The following NRIP1 variants were observed in gnomAD, a reference collection of about 807,000 sequenced individuals.
The protein encoded by NRIP1 is nuclear receptor interacting protein 1.
NRIP1 carries 28 observed loss-of-function variants against 75.0 expected under a neutral mutation model. The observed-to-expected ratio is 0.37, with a 90% confidence interval of 0.28 to 0.51. NRIP1 has a LOEUF of 0.51. Among genes scored for constraint, NRIP1 ranks in the 20% least tolerant of loss-of-function variants. The pLI, the probability that NRIP1 is intolerant of heterozygous loss-of-function variation, is 0.92. For missense variants in NRIP1, 1,435 were observed against 1,343.7 expected (o/e 1.07, Z -1.06); for synonymous variants, 526 against 487.6 (o/e 1.08, Z -1.04).
intron 1 of NRIP1, chr21:15,050,049 T>C (rs2089168464): frequency 6.6e-6 from 1 of 152,208 alleles, no homozygotes; most frequent in Admixed American, 6.5e-5. Flanking sequence ...AATAAATGCA[T>C]ACATATACAT....
At chr21:15,018,544 G>C (rs774715397) in intron 2 of NRIP1, among the ~76,000 whole-genome samples, 16 of 152,182 alleles carry the variant, frequency 1.1e-4, no homozygotes, top group South Asian at 2.1e-4. Flanking sequence ...AAAAGAAATA[G>C]TGTATGCAAA....
At chr21:15,050,875 G>A (rs1031419872) in intron 1 of NRIP1, 2 of 455,886 alleles carry the variant, frequency 4.4e-6, no homozygotes, top group Non-Finnish European at 8.8e-6. Flanking sequence ...ATATTCCCCT[G>A]CCTGGTATCT....
intron 3 of NRIP1, among the ~76,000 whole-genome samples, chr21:14,972,582 G>T (rs1005770274): frequency 2.6e-5 from 4 of 152,070 alleles, no homozygotes; most frequent in African/African-American, 9.7e-5. Flanking sequence ...TAAGAATGTT[G>T]CCAGGTGTAT....
In NRIP1 at chr21:14,976,652, T is replaced by C. The variant is rs1193861222; in HGVS notation, c.-334-8126A>G. On this transcript the variant is annotated intron_variant, in intron 3 of 3. Transcript: ENST00000318948. The stretch of plus-strand genomic sequence containing the variant: ...ATGGTTTATTAAACAAAGGGAAACT[T>C]TGTGGAACTTCTACACACTTTAAAA... 3.3e-5 allele frequency among the ~76,000 whole-genome samples: 5 copies of C among 152,176 alleles called. No individual in the cohort carries two copies. In the South Asian group the frequency reaches 8.3e-4, roughly 25 times the overall value.
chr21:15,023,151 T>A (rs1261189097), intron 2 of NRIP1, among the ~76,000 whole-genome samples: 1 of 152,208 alleles, frequency 6.6e-6, no homozygotes, highest in Admixed American at 6.5e-5. Flanking sequence ...GTGGTGTTGG[T>A]TACACACCTA....
In NRIP1 at chr21:14,967,456, A is replaced by G; in HGVS notation, c.737T>C (p.Met246Thr). The G allele has an allele frequency of 6.2e-7, 1 of 1,613,904 alleles. No individual in the cohort carries two copies. Among genetic ancestry groups the G allele is most frequent in the Non-Finnish European group, 8.5e-7 (1 of 1,179,946 alleles). ...GGCAGGACTAGCCCTTTTTTCCACC[A>G]TGCTTGCAACAGCCTGTAATCTTGC... ...CAARLQAVAS[M>T]VEKRASPATS... The change falls in exon 4 of 4, where the codon ATG becomes ACG. Residue 246 changes from methionine to threonine, a missense_variant. Met to Thr is a moderately conservative substitution (Grantham distance 81). Coordinates refer to ENST00000318948, the MANE Select transcript of NRIP1 (RefSeq NM_003489.4).
At chr21:14,980,130 A>G (rs1016616635) in intron 3 of NRIP1, among the ~76,000 whole-genome samples, 6 of 152,222 alleles carry the variant, frequency 3.9e-5, no homozygotes, top group African/African-American at 1.4e-4. Context: ...CACAGGGATC[A>G]AAAGAAACTT....
intron 3 of NRIP1, among the ~76,000 whole-genome samples, chr21:14,976,492 T>A (rs1443588732): frequency 6.6e-6 from 1 of 152,166 alleles, no homozygotes; most frequent in East Asian, 1.9e-4. Context: ...GATAGGTAAT[T>A]TTTTTAGAGC....
At chr21:15,046,363 G>A (rs544125370) in intron 1 of NRIP1, among the ~76,000 whole-genome samples, 92 of 152,280 alleles carry the variant, frequency 6.0e-4, no homozygotes, top group Admixed American at 1.0e-3. Context: ...GACCAGGTGC[G>A]TGGTCAATAA....
chr21:14,967,304 T>C lies in NRIP1; in HGVS notation c.889A>G (p.Arg297Gly). 6.2e-7 allele frequency: 1 copy of C among 1,614,098 alleles called. No individual in the cohort carries two copies. The highest frequency in any genetic ancestry group is 8.5e-7 in the Non-Finnish European group (1 of 1,179,994). ...TQNANQAASE[R>G]LAAMARLQEN... is the part of the protein sequence containing the mutation. ...TGCAATCTGGCCATAGCAGCAAGTC[T>C]TTCACTTGCTGCTTGATTTGCATTT... The change falls in exon 4 of 4, where the codon AGA (arginine) becomes GGA (glycine). Residue 297 changes from arginine to glycine, a missense_variant. Coordinates refer to ENST00000318948, the MANE Select transcript of NRIP1 (RefSeq NM_003489.4).
chr21:14,977,191 A>G (rs149901270), intron 3 of NRIP1, among the ~76,000 whole-genome samples: 1,660 of 152,324 alleles, frequency 0.011, 11 homozygotes, highest in Middle Eastern at 0.017. Flanking sequence ...AAAAACATTA[A>G]TATGTTTCAT....
At chr21:14,985,489 A>G (rs1170159635) in intron 3 of NRIP1, among the ~76,000 whole-genome samples, 1 of 152,130 alleles carries the variant, frequency 6.6e-6, no homozygotes, top group African/African-American at 2.4e-5. Context: ...TCTATCATCT[A>G]TCATCTGGTT....
chr21:15,026,600 C>A (rs1449816942), intron 2 of NRIP1, among the ~76,000 whole-genome samples: 1 of 152,064 alleles, frequency 6.6e-6, no homozygotes, highest in Non-Finnish European at 1.5e-5. Context: ...TTATAATAGT[C>A]ATACATATGT....
chr21:15,028,547 G>C (rs1414401148), intron 2 of NRIP1, among the ~76,000 whole-genome samples: 5 of 151,978 alleles, frequency 3.3e-5, no homozygotes, highest in African/African-American at 1.2e-4. Flanking sequence ...CAAGGTTTGG[G>C]GCTGAAAAAT....
At chr21:15,052,785 T>C (rs553110346) in intron 1 of NRIP1, among the ~76,000 whole-genome samples, 44 of 152,208 alleles carry the variant, frequency 2.9e-4, no homozygotes, top group African/African-American at 9.9e-4. Flanking sequence ...TAGTCCAAAG[T>C]AACATGCTAT....
Position 14,968,100 on chromosome 21 carries a change from C to G in NRIP1, c.93G>C (p.Gly31=). ...TTTTGTCAACGGCAGTACCTGATCC[C>G]CCTGCTGCCTGATGCATTAGTAATC... ...LEGLLMHQAA[G]GSGTAVDKKS... The change falls in exon 4 of 4, where the codon GGG becomes GGC. Residue 31 remains glycine, a synonymous_variant. Transcript: ENST00000318948. The G allele has an allele frequency of 1.2e-6, 2 of 1,614,084 alleles. No individual in the cohort carries two copies. The highest frequency in any genetic ancestry group is 1.7e-6 in the Non-Finnish European group (2 of 1,179,986).
chr21:14,979,631 T>A lies in NRIP1; in HGVS notation c.-334-11105A>T, dbSNP rs909761561. On this transcript the variant is annotated intron_variant, in intron 3 of 3. Coordinates refer to ENST00000318948, the MANE Select transcript of NRIP1 (RefSeq NM_003489.4). The stretch of plus-strand genomic sequence containing the variant: ...TTCATGCACTTCTTATTATAAAGTA[T>A]GTTTTGTTAAATATATTGCATTGGA... Among the ~76,000 whole-genome samples, 9 of 152,330 alleles carry A rather than the reference T, an allele frequency of 5.9e-5. No individual in the cohort carries two copies. The South Asian group carries it at 1.9e-3, about 32-fold the overall frequency.
Position 14,988,317 on chromosome 21 carries a change from CACAG to C in NRIP1, c.-334-19795_-334-19792del, listed in dbSNP as rs1438444121. 14 of 152,194 alleles carry C rather than the reference CACAG, an allele frequency of 9.2e-5. 1 individual carries two copies. The highest frequency in any genetic ancestry group is 2.1e-4 in the Non-Finnish European group (14 of 68,006). The allele number at this position is 152,194 out of a possible 1,614,324, so 9.4% of individuals were successfully genotyped here. A position where few individuals can be genotyped will look rare whatever the true frequency, so the allele number is the denominator to read the frequency against. ...AATGAATGTTAATTGTTTTACTATT[CACAG>C]ACAAAGCTTCAGCCCAGAGAACTTT... is the stretch of plus-strand genomic sequence containing the variant. On this transcript the variant is annotated intron_variant, in intron 3 of 3. Transcript: ENST00000318948.
chr21:15,001,215 T>C (rs540738274), intron 3 of NRIP1, among the ~76,000 whole-genome samples: 270 of 152,330 alleles, frequency 1.8e-3, no homozygotes, highest in African/African-American at 6.3e-3. Flanking sequence ...TGTATTAGTA[T>C]GAGGTATTTT....
Sources: gnomAD v4.1 joint callset for allele counts (sites outside exome capture counted in the v4.1 genomes callset) on GRCh38, gnomAD v4.1.1 for gene constraint, MANE v1.5 for transcripts, NCBI Gene and HGNC (gene_info 2026-07-23, HGNC 2026-07-21) for gene names.